INPP5A: variants seen among roughly 807,000 people sequenced by gnomAD.
INPP5A encodes the protein 43 kDa inositol polyphosphate 5-phophatase.
Under a neutral mutation model 65.2 loss-of-function variants are expected in INPP5A, and 14 were observed. The observed-to-expected ratio is 0.21, with a 90% confidence interval of 0.14 to 0.34. The LOEUF (loss-of-function observed/expected upper bound fraction) is 0.34, where lower values mean the gene tolerates loss of function less well. Among genes scored for constraint, INPP5A ranks in the 10% least tolerant of loss-of-function variants. The pLI, the probability that INPP5A is intolerant of heterozygous loss-of-function variation, is 1.00. For synonymous variants in INPP5A, 207 were observed against 208.3 expected (o/e 0.99, Z 0.05); for missense variants, 431 against 545.6 (o/e 0.79, Z 2.09).
chr10:132,689,874 C>T (rs928457471), intron 4 of INPP5A, among the ~76,000 whole-genome samples: 1 of 152,190 alleles, frequency 6.6e-6, no homozygotes, highest in Admixed American at 6.5e-5. Context: ...GCTCCTGGGG[C>T]GATGGGGCAG....
chr10:132,712,397 G>A (rs1845655314), intron 8 of INPP5A, among the ~76,000 whole-genome samples: 1 of 151,956 alleles, frequency 6.6e-6, no homozygotes, highest in African/African-American at 2.4e-5. Context: ...GTGTGTGCAT[G>A]TGTGGGTGCA....
chr10:132,748,113 C>T (rs1564997228), intron 9 of INPP5A, among the ~76,000 whole-genome samples: 1 of 152,198 alleles, frequency 6.6e-6, no homozygotes, highest in Non-Finnish European at 1.5e-5. Flanking sequence ...AAGCTATAAT[C>T]CAATTCTAGA....
chr10:132,539,065 C>A (rs951685977), intron 1 of INPP5A, among the ~76,000 whole-genome samples: 1 of 152,176 alleles, frequency 6.6e-6, no homozygotes, highest in Non-Finnish European at 1.5e-5. Flanking sequence ...GCCCCTTCCT[C>A]CAACAAGCTC....
intron 6 of INPP5A, among the ~76,000 whole-genome samples, chr10:132,701,431 G>A (rs1265170045): frequency 4.6e-5 from 7 of 152,202 alleles, no homozygotes; most frequent in African/African-American, 7.2e-5. Context: ...GAAAGTTCCC[G>A]CACACAGCCT....
At chr10:132,755,755 G>A (rs1422819364) in intron 11 of INPP5A, among the ~76,000 whole-genome samples, 1 of 152,102 alleles carries the variant, frequency 6.6e-6, no homozygotes, top group Non-Finnish European at 1.5e-5. Context: ...TGAGGCCTGA[G>A]GGAGGTCCTG....
In INPP5A at chr10:132,706,630, T is replaced by C. The variant is rs1845541226; in HGVS notation, c.475-1683T>C. ...CCCCACCAGTGTGTGGGGCTTGGAATTTCCCTTCTTGAGCATGAGTGGGAG... is the reference window on the plus strand; with the variant it reads ...CCCCACCAGTGTGTGGGGCTTGGAACTTCCCTTCTTGAGCATGAGTGGGAG... On this transcript the variant is annotated intron_variant, in intron 6 of 15. Transcript: ENST00000368594. The surrounding 1 kb of genome is among the most constrained non-coding windows in gnomAD (Gnocchi z 4.7). Among the ~76,000 whole-genome samples the C allele has an allele frequency of 1.3e-5, 2 of 152,064 alleles. No individual in the cohort carries two copies. Among genetic ancestry groups the C allele is most frequent in the South Asian group, 4.1e-4 (2 of 4,820 alleles).
intron 1 of INPP5A, among the ~76,000 whole-genome samples, chr10:132,544,273 G>T (rs576046248): frequency 1.3e-5 from 2 of 152,212 alleles, no homozygotes; most frequent in Non-Finnish European, 2.9e-5. Context: ...CTGCCGCTCC[G>T]GCCAGAGCAG....
Position 132,706,127 on chromosome 10 carries a change from G to A in INPP5A, c.475-2186G>A, listed in dbSNP as rs1393868659. Among the ~76,000 whole-genome samples, 3 of 152,250 alleles carry A rather than the reference G, an allele frequency of 2.0e-5. No homozygotes were observed. Among genetic ancestry groups the A allele is most frequent in the Admixed American group, 1.3e-4 (2 of 15,288 alleles). ...TTACAGAACAGATTCTAGACTAGAT[G>A]TGGTCAAAGAGAGAATCAGAGAATT... On this transcript the variant is annotated intron_variant, in intron 6 of 15. Coordinates refer to ENST00000368594, the MANE Select transcript of INPP5A (RefSeq NM_005539.5). The surrounding 1 kb of genome is among the most constrained non-coding windows in gnomAD (Gnocchi z 4.7).
chr10:132,586,865 C>T (rs2071551864), intron 1 of INPP5A, among the ~76,000 whole-genome samples: 1 of 152,220 alleles, frequency 6.6e-6, no homozygotes, highest in Non-Finnish European at 1.5e-5. Context: ...TCCTGCGCGT[C>T]AGAAGGCGGC....
chr10:132,661,139 C>T (rs2072731533), intron 4 of INPP5A, among the ~76,000 whole-genome samples: 1 of 152,180 alleles, frequency 6.6e-6, no homozygotes, highest in Admixed American at 6.5e-5. Context: ...CAGCTGCATG[C>T]TCCCACCTCT....
intron 8 of INPP5A, among the ~76,000 whole-genome samples, chr10:132,726,386 C>T (rs1212319253): frequency 6.6e-6 from 1 of 152,206 alleles, no homozygotes; most frequent in South Asian, 2.1e-4. Flanking sequence ...TCGGTCCCTC[C>T]TCCCGTCTGT....
At chr10:132,602,854 A>G (rs1324878580) in intron 1 of INPP5A, among the ~76,000 whole-genome samples, 2 of 152,118 alleles carry the variant, frequency 1.3e-5, no homozygotes, top group Non-Finnish European at 2.9e-5. Flanking sequence ...GTGGTAATCT[A>G]CAGGCACGTT....
At chr10:132,715,708 A>G (rs1845727447) in intron 8 of INPP5A, among the ~76,000 whole-genome samples, 1 of 152,250 alleles carries the variant, frequency 6.6e-6, no homozygotes, top group Non-Finnish European at 1.5e-5. Flanking sequence ...GGCATTAAAG[A>G]TCTGGGTCAC....
Position 132,675,667 on chromosome 10 carries a change from G to A in INPP5A, c.307-14725G>A, listed in dbSNP as rs527244807. On this transcript the variant is annotated intron_variant, in intron 4 of 15. Transcript: ENST00000368594. The surrounding 1 kb of genome is among the most constrained non-coding windows in gnomAD (Gnocchi z 4.2). ...ACCCCGATCAGGGTCTGGAGGGAGC[G>A]TGTGCCCTTGGAATACTGCTGTTTT... Among the ~76,000 whole-genome samples the A allele has an allele frequency of 3.5e-3, 527 of 152,312 alleles. 2 individuals carry two copies. Among genetic ancestry groups the A allele is most frequent in the African/African-American group, 0.012 (495 of 41,570 alleles).
intron 11 of INPP5A, among the ~76,000 whole-genome samples, chr10:132,763,630 C>T (rs1221526470): frequency 6.6e-6 from 1 of 150,938 alleles, no homozygotes; most frequent in Non-Finnish European, 1.5e-5. Flanking sequence ...CCTGTGCACA[C>T]ATAAACATGC....
At chr10:132,586,377 G>A (rs973494943) in intron 1 of INPP5A, among the ~76,000 whole-genome samples, 11 of 152,224 alleles carry the variant, frequency 7.2e-5, no homozygotes, top group Admixed American at 5.9e-4. Context: ...GACCATGGGC[G>A]GGGCTGCCTC....
chr10:132,764,630 A>ACGGC (rs534660441), intron 11 of INPP5A, among the ~76,000 whole-genome samples: 4 of 117,386 alleles, frequency 3.4e-5, no homozygotes, highest in South Asian at 3.0e-4. Context: ...ACTCAGGAAC[A>ACGGC]CGGGCCAGTC....
rs1015586615 is a variant in INPP5A, at chr10:132,663,090, G to T, written c.306+12585G>T. On this transcript the variant is annotated intron_variant, in intron 4 of 15. Coordinates refer to ENST00000368594, the MANE Select transcript of INPP5A (RefSeq NM_005539.5). The surrounding 1 kb of genome is among the most constrained non-coding windows in gnomAD (Gnocchi z 4.5). ...GCAGCTGGCCCCTCGAACGGACTGTGCACACCACTGTGTGTCTCACAACTC... is the reference window on the plus strand; with the variant it reads ...GCAGCTGGCCCCTCGAACGGACTGTTCACACCACTGTGTGTCTCACAACTC... Among the ~76,000 whole-genome samples the T allele has an allele frequency of 3.8e-4, 58 of 152,222 alleles. No individual in the cohort carries two copies. The highest frequency in any genetic ancestry group is 3.1e-3 in the Admixed American group (48 of 15,282).
chr10:132,736,794 C>T (rs954657773), intron 9 of INPP5A, among the ~76,000 whole-genome samples: 13 of 152,270 alleles, frequency 8.5e-5, no homozygotes, highest in Non-Finnish European at 1.6e-4. Flanking sequence ...CAGTAGGTAA[C>T]ATCGCACCTG....
Sources: allele counts gnomAD v4.1 joint callset (sites outside exome capture counted in the v4.1 genomes callset), GRCh38; gene constraint gnomAD v4.1.1; non-coding constraint Gnocchi (gnomAD v3.1); transcripts MANE v1.5; gene names NCBI Gene and HGNC (gene_info 2026-07-23, HGNC 2026-07-21).